The following VMA21 variants were observed in gnomAD, a reference collection of about 807,000 sequenced individuals.
VMA21 encodes vacuolar ATPase assembly integral membrane protein VMA21.
For missense variants in VMA21, 61 were observed against 80.6 expected (o/e 0.76, Z 0.93); for synonymous variants, 47 against 34.1 (o/e 1.38, Z -1.32).
chrX:151,396,764 G>T, upstream of VMA21: 1 of 449,628 alleles, frequency 2.2e-6, no homozygotes, highest in South Asian at 3.2e-5. Flanking sequence ...CTGCTTTTTT[G>T]TGTTGTCGTC....
intron 2 of VMA21, among the ~76,000 whole-genome samples, chrX:151,404,137 G>T (rs1200081109): frequency 9.3e-6 from 1 of 107,710 alleles, no homozygotes; most frequent in African/African-American, 3.4e-5. Context: ...GCAATGGCGC[G>T]ATCTCGGCTC....
intron 1 of VMA21, among the ~76,000 whole-genome samples, chrX:151,398,702 A>G (rs2011214067): frequency 8.9e-6 from 1 of 111,771 alleles, no homozygotes; most frequent in Non-Finnish European, 1.9e-5. Context: ...TGGAATTTGC[A>G]GTGAAATCTT....
chrX:151,402,489 T>G (rs1473421487), intron 1 of VMA21, among the ~76,000 whole-genome samples: 1 of 112,583 alleles, frequency 8.9e-6, no homozygotes, highest in Non-Finnish European at 1.9e-5. Flanking sequence ...GCCTGATTAT[T>G]GTTGAATTTG....
chrX:151,403,812 A>G, intron 2 of VMA21, 72 bp downstream of exon 2: 1 of 749,627 alleles, frequency 1.3e-6, no homozygotes, highest in Admixed American at 2.4e-5. Context: ...ACCTCTTTAT[A>G]TCTTTAAACT....
At chrX:151,397,910 A>G (rs759692256) in intron 1 of VMA21, among the ~76,000 whole-genome samples, 5 of 111,560 alleles carry the variant, frequency 4.5e-5, no homozygotes, top group African/African-American at 9.8e-5. Flanking sequence ...GGAGTTAGCT[A>G]TCATTCGTTA....
At chrX:151,403,201 T>C (rs1410198011) in intron 1 of VMA21, among the ~76,000 whole-genome samples, 2 of 112,728 alleles carry the variant, frequency 1.8e-5, no homozygotes, top group Non-Finnish European at 3.8e-5. Flanking sequence ...CCACCCATGG[T>C]GCCTGCTGCG....
In VMA21 at chrX:151,406,640, G is replaced by A. The variant is rs1239146860; in HGVS notation, c.*1582G>A. 6 of 111,337 alleles carry A rather than the reference G, an allele frequency of 5.4e-5. No homozygotes were observed. Among genetic ancestry groups the A allele is most frequent in the South Asian group, 3.8e-4 (1 of 2,662 alleles). The allele number at this position is 111,337 out of a possible 1,213,427, so 9.2% of individuals were successfully genotyped here. On this transcript the variant is annotated 3_prime_UTR_variant, in exon 3 of 3. Coordinates refer to ENST00000330374, the MANE Select transcript of VMA21 (RefSeq NM_001017980.4). ...AGGTGATCCACCCGCCTCGGCCTCC[G>A]AAAGTGCTGGGATTACAGGCGTGAG...
At chrX:151,396,878 A>C (rs1369002422), upstream of VMA21, 2 of 523,894 alleles carry the variant, frequency 3.8e-6, no homozygotes, top group Admixed American at 5.3e-5. Flanking sequence ...TCAGCGACCG[A>C]GACGCAGACG....
intron 1 of VMA21, among the ~76,000 whole-genome samples, chrX:151,401,427 CTG>C (rs1396756720): frequency 2.7e-5 from 3 of 112,176 alleles, no homozygotes; most frequent in African/African-American, 9.7e-5. Context: ...ATTACTATAA[CTG>C]TAATATTTTA....
At position 151,409,075 on chromosome X, in the gene VMA21, A is replaced by C. The variant is rs2011325448; in HGVS notation, c.*4017A>C. On this transcript the variant is annotated 3_prime_UTR_variant, in exon 3 of 3. Transcript: ENST00000330374. ...TGAACCTGTTACGAGATGTCTCTTGACGTCGATGCTAAAAGTGTTAGAATC... is the reference window on the plus strand; with the variant it reads ...TGAACCTGTTACGAGATGTCTCTTGCCGTCGATGCTAAAAGTGTTAGAATC... The C allele has an allele frequency of 8.9e-6, 1 of 112,607 alleles. No individual in the cohort carries two copies. The highest frequency in any genetic ancestry group is 3.2e-5 in the African/African-American group (1 of 30,905). The allele number at this position is 112,607 out of a possible 1,213,427, so 9.3% of individuals were successfully genotyped here.
intron 1 of VMA21, 88 bp from the exon 2 acceptor site, chrX:151,403,543 T>G: frequency 4.4e-6 from 3 of 676,105 alleles, no homozygotes; most frequent in Non-Finnish European, 4.8e-6. Flanking sequence ...TAGCATCTCA[T>G]TTGTGGATGT....
Position 151,397,226 on chromosome X carries a change from C to G in VMA21, c.-83C>G, listed in dbSNP as rs371411118. The stretch of plus-strand genomic sequence containing the variant: ...CCGCTACTTCCGGTGCGAACCGCCT[C>G]GGCCGTTCCCTCGCGGAGCTTACTG... On this transcript the variant is annotated 5_prime_UTR_variant, in exon 1 of 3. Transcript: ENST00000330374. 20 of 1,068,891 alleles carry G rather than the reference C, an allele frequency of 1.9e-5. No homozygotes were observed. The highest frequency in any genetic ancestry group is 3.5e-4 in the Middle Eastern group (1 of 2,885). The allele number at this position is 1,068,891 out of a possible 1,213,427, so 88.1% of individuals were successfully genotyped here.
chrX:151,396,716 G>C (rs1190168147), upstream of VMA21: 6 of 425,410 alleles, frequency 1.4e-5, no homozygotes, highest in Non-Finnish European at 2.5e-5. Flanking sequence ...TAATTAATGA[G>C]GCATTTATTT....
chrX:151,401,312 C>G lies in VMA21; in HGVS notation c.54-2319C>G, dbSNP rs151174029. ...TTCCCCATTGTGTTCCTCTTAACAC[C>G]CCTGTCGAAGATTAGTTGGCCATAT... On this transcript the variant is annotated intron_variant, in intron 1 of 2. Coordinates refer to ENST00000330374, the MANE Select transcript of VMA21 (RefSeq NM_001017980.4). Among the ~76,000 whole-genome samples the G allele has an allele frequency of 4.8e-3, 535 of 111,557 alleles. 2 individuals carry two copies. The highest frequency in any genetic ancestry group is 7.1e-3 in the Non-Finnish European group (376 of 53,063).
upstream of VMA21, chrX:151,396,837 C>A: frequency 1.9e-6 from 1 of 518,399 alleles, no homozygotes; most frequent in East Asian, 3.6e-5. Context: ...CTTCGCGGCT[C>A]ATATGCTCGG....
rs759289976 is a variant in VMA21 at position 151,397,300 on chromosome X, G to A, written c.-9G>A. The A allele has an allele frequency of 2.6e-6, 3 of 1,159,511 alleles. No individual in the cohort carries two copies. Among genetic ancestry groups the A allele is most frequent in the South Asian group, 3.8e-5 (2 of 52,515 alleles). On this transcript the variant is annotated 5_prime_UTR_variant, in exon 1 of 3. Transcript: ENST00000330374. Reference sequence around the variant, plus strand: ...CGCCGCCGAGCGCCTGTGCCGGCACGGCTACACCATGGAGCGCCCGGATAA... The same window carrying A: ...CGCCGCCGAGCGCCTGTGCCGGCACAGCTACACCATGGAGCGCCCGGATAA...
chrX:151,402,873 G>A (rs1319305715), intron 1 of VMA21, among the ~76,000 whole-genome samples: 2 of 110,791 alleles, frequency 1.8e-5, no homozygotes, highest in Non-Finnish European at 3.8e-5. Context: ...TCCACTGTCT[G>A]GTGCTGGAGG....
At chrX:151,396,989 C>T (rs2011194499), upstream of VMA21, 1 of 521,871 alleles carries the variant, frequency 1.9e-6, no homozygotes, top group Non-Finnish European at 3.5e-6. Flanking sequence ...AGTGGCTGGG[C>T]TACTCGCCAG....
intron 1 of VMA21, among the ~76,000 whole-genome samples, chrX:151,400,040 T>A (rs2011226076): frequency 9.0e-6 from 1 of 111,449 alleles, no homozygotes; most frequent in Admixed American, 9.5e-5. Flanking sequence ...TGTGTGTGTG[T>A]GACCAGAGGC....
Sources: allele counts gnomAD v4.1 joint callset (sites outside exome capture counted in the v4.1 genomes callset), GRCh38; gene constraint gnomAD v4.1.1; transcripts MANE v1.5; gene names NCBI Gene and HGNC (gene_info 2026-07-23, HGNC 2026-07-21).